CFAP54: variants seen among roughly 807,000 people sequenced by gnomAD.
CFAP54 encodes the protein cilia- and flagella-associated protein 54.
Under a neutral mutation model 370.4 loss-of-function variants are expected in CFAP54, and 290 were observed. That is an observed-to-expected ratio of 0.78 (90% confidence interval 0.71 to 0.86). The LOEUF (loss-of-function observed/expected upper bound fraction) is 0.86. Among genes scored for constraint, CFAP54 ranks in the 40% least tolerant of loss-of-function variants. CFAP54 has a pLI of 0.00. For missense variants in CFAP54, 3,399 were observed against 3,528.7 expected (o/e 0.96, Z 0.93); for synonymous variants, 1,206 against 1,236.5 (o/e 0.98, Z 0.52).
chr12:96,507,489 A>G lies in CFAP54; in HGVS notation c.739+390A>G, dbSNP rs577055967. 3.3e-5 allele frequency among the ~76,000 whole-genome samples: 5 copies of G among 151,454 alleles called. No individual in the cohort carries two copies. The East Asian group carries it at 9.8e-4, about 30-fold the overall frequency. ...GGTTTCTACAAAGTGACCTCCTCCT[A>G]CTTTTATTTTGAGTGAGGACTGCTG... On this transcript the variant is annotated intron_variant, in intron 4 of 67. Transcript: ENST00000524981.
At chr12:96,537,781 A>C (rs1329587316) in intron 12 of CFAP54, among the ~76,000 whole-genome samples, 15 of 152,190 alleles carry the variant, frequency 9.9e-5, no homozygotes, top group African/African-American at 3.6e-4. Flanking sequence ...AAGAGCATAG[A>C]GCATTCATTA....
chr12:96,540,840 A>T lies in CFAP54; in HGVS notation c.1930A>T (p.Ile644Phe). Residue 644 changes from isoleucine to phenylalanine, a missense_variant, in exon 14 of 68, where the codon ATT becomes TTT. Coordinates refer to ENST00000524981, the MANE Select transcript of CFAP54 (RefSeq NM_001306084.2). ...FTQKISTNKW[I>F]YLLWQINEVI... Reference sequence around the variant, plus strand: ...GCTGTGTATTTTCTCTTTTTAGTGGATTTATCTTCTGTGGCAGATAAATGA... The same window carrying T: ...GCTGTGTATTTTCTCTTTTTAGTGGTTTTATCTTCTGTGGCAGATAAATGA... 1 of 1,446,666 alleles carries T rather than the reference A, an allele frequency of 6.9e-7. No homozygotes were observed. The highest frequency in any genetic ancestry group is 9.0e-7 in the Non-Finnish European group (1 of 1,106,970). The allele number at this position is 1,446,666 out of a possible 1,614,324, so 89.6% of individuals were successfully genotyped here.
intron 55 of CFAP54, among the ~76,000 whole-genome samples, chr12:96,748,386 A>G (rs1958142232): frequency 6.6e-6 from 1 of 151,622 alleles, no homozygotes; most frequent in Non-Finnish European, 1.5e-5. Context: ...CTAATATCTA[A>G]TCCTAGTCAT....
chr12:96,557,823 T>C (rs1045424806), intron 17 of CFAP54, among the ~76,000 whole-genome samples: 15 of 151,978 alleles, frequency 9.9e-5, no homozygotes, highest in Admixed American at 9.2e-4. Context: ...TAATAATTGA[T>C]AAAACTGTAT....
intron 22 of CFAP54, among the ~76,000 whole-genome samples, chr12:96,584,857 T>C (rs1592864002): frequency 6.6e-6 from 1 of 152,158 alleles, no homozygotes. Flanking sequence ...CTCTAAACAT[T>C]AGCTTTCATT....
At chr12:96,669,465 A>G (rs1957119966) in intron 39 of CFAP54, among the ~76,000 whole-genome samples, 1 of 152,178 alleles carries the variant, frequency 6.6e-6, no homozygotes, top group Non-Finnish European at 1.5e-5. Flanking sequence ...CTTGTGTCTT[A>G]AAGTAGAGAT....
intron 63 of CFAP54, among the ~76,000 whole-genome samples, chr12:96,807,099 A>G (rs1202010459): frequency 6.6e-6 from 1 of 152,176 alleles, no homozygotes; most frequent in African/African-American, 2.4e-5. Flanking sequence ...TTCCATTGGA[A>G]ACCTTCTCTG....
chr12:96,860,947 TAC>T lies in CFAP54; in HGVS notation c.*12_*13del. 6.5e-7 allele frequency: 1 copy of T among 1,529,270 alleles called. No homozygotes were observed. 94.7% of individuals were successfully genotyped at this position (1,529,270 alleles called of 1,614,324 possible). On this transcript the variant is annotated 3_prime_UTR_variant, in exon 67 of 68. Coordinates refer to ENST00000524981, the MANE Select transcript of CFAP54 (RefSeq NM_001306084.2). Reference sequence around the variant, plus strand: ...TGTCAATTATTCCCTGAATATCCTATACACGGTAACCTTATACAGGATTTAAT... The same window carrying T: ...TGTCAATTATTCCCTGAATATCCTATACGGTAACCTTATACAGGATTTAAT...
At chr12:96,758,099 A>G (rs1363986848) in intron 58 of CFAP54, among the ~76,000 whole-genome samples, 1 of 152,204 alleles carries the variant, frequency 6.6e-6, no homozygotes, top group African/African-American at 2.4e-5. Flanking sequence ...ATGTTAAAGC[A>G]GTGTCTAAAA....
intron 12 of CFAP54, among the ~76,000 whole-genome samples, 184 bp downstream of exon 12, chr12:96,535,784 T>G (rs1955496356): frequency 6.6e-6 from 1 of 152,200 alleles, no homozygotes; most frequent in Non-Finnish European, 1.5e-5. Flanking sequence ...ATTATTGTTG[T>G]CATTTTGAGT....
In CFAP54 at chr12:96,860,946, A is replaced by G; in HGVS notation, c.*8A>G. 2 of 1,529,086 alleles carry G rather than the reference A, an allele frequency of 1.3e-6. No individual in the cohort carries two copies. Among genetic ancestry groups the G allele is most frequent in the East Asian group, 4.9e-5 (2 of 40,698 alleles). 94.7% of individuals were successfully genotyped at this position (1,529,086 alleles called of 1,614,324 possible). A position where few individuals can be genotyped will look rare whatever the true frequency, so the allele number is the denominator to read the frequency against. On this transcript the variant is annotated 3_prime_UTR_variant, in exon 67 of 68. Transcript: ENST00000524981. ...GTGTCAATTATTCCCTGAATATCCT[A>G]TACACGGTAACCTTATACAGGATTT...
intron 60 of CFAP54, among the ~76,000 whole-genome samples, chr12:96,767,634 C>T (rs1359600161): frequency 6.6e-6 from 1 of 152,134 alleles, no homozygotes; most frequent in Admixed American, 6.5e-5. Context: ...GATGACTTCC[C>T]TCACTTCAGT....
intron 1 of CFAP54, among the ~76,000 whole-genome samples, 184 bp downstream of exon 1, chr12:96,490,110 C>A (rs1390379658): frequency 6.6e-6 from 1 of 152,162 alleles, no homozygotes; most frequent in East Asian, 1.9e-4. Flanking sequence ...TCCTTAATTC[C>A]TGGGAGCTGT....
intron 50 of CFAP54, among the ~76,000 whole-genome samples, chr12:96,730,242 A>G (rs1277066933): frequency 2.0e-5 from 3 of 152,224 alleles, no homozygotes; most frequent in Non-Finnish European, 2.9e-5. Flanking sequence ...TAATTTAAAA[A>G]GGTCCTGACA....
chr12:96,508,606 T>TA (rs1167301463), intron 4 of CFAP54, among the ~76,000 whole-genome samples: 81 of 129,682 alleles, frequency 6.2e-4, no homozygotes, highest in East Asian at 1.6e-3. Flanking sequence ...TTTTTTTTTT[T>TA]TAAAAGATTA....
chr12:96,681,309 C>T (rs1016490271), intron 40 of CFAP54, among the ~76,000 whole-genome samples: 1 of 151,894 alleles, frequency 6.6e-6, no homozygotes, highest in Non-Finnish European at 1.5e-5. Flanking sequence ...TAACTACTTC[C>T]CCTAGAATAT....
intron 50 of CFAP54, among the ~76,000 whole-genome samples, chr12:96,729,266 G>C (rs530681082): frequency 1.3e-5 from 2 of 152,282 alleles, no homozygotes; most frequent in South Asian, 4.1e-4. Context: ...TTGTTTGTCT[G>C]TGCCCTGCCC....
chr12:96,645,883 A>G (rs1238258014), intron 33 of CFAP54: 1 of 152,248 alleles, frequency 6.6e-6, no homozygotes, highest in Non-Finnish European at 1.5e-5. Flanking sequence ...GTGCTGGGAA[A>G]ACTTGCTAGC....
chr12:96,584,545 C>T (rs1359341693), intron 22 of CFAP54, among the ~76,000 whole-genome samples: 1 of 152,148 alleles, frequency 6.6e-6, no homozygotes, highest in African/African-American at 2.4e-5. Context: ...CCACTCTTTC[C>T]ACTCATCTAT....
Sources: allele counts gnomAD v4.1 joint callset (sites outside exome capture counted in the v4.1 genomes callset), GRCh38; gene constraint gnomAD v4.1.1; transcripts MANE v1.5; gene names NCBI Gene and HGNC (gene_info 2026-07-23, HGNC 2026-07-21).